Variants in CTIF observed in about 807,000 individuals in gnomAD.
CTIF encodes CBP80/20-dependent translation initiation factor.
In CTIF, 21 loss-of-function variants were observed where a neutral mutation model predicts 66.0. The observed-to-expected ratio is 0.32, with a 90% CI of 0.23 to 0.46. The LOEUF is 0.46. Ranked by LOEUF, CTIF falls within the 20% of genes least tolerant of loss-of-function variation. The probability of loss-of-function intolerance (pLI) is 1.00; values close to 1 mark genes in which losing one functional copy is unlikely to be tolerated. For synonymous variants in CTIF, 345 were observed against 326.4 expected, an observed-to-expected ratio of 1.06 and a Z score of -0.62; for missense variants, 739 against 812.7, an observed-to-expected ratio of 0.91 and a Z score of 1.10.
Position 48,743,392 on chromosome 18 carries a change from A to G in CTIF, c.585-14527A>G, listed in dbSNP as rs563435702. 7.7e-4 allele frequency among the ~76,000 whole-genome samples: 117 copies of G among 152,354 alleles called. 2 individuals carry two copies. Among genetic ancestry groups the G allele is most frequent in the African/African-American group, 2.7e-3 (113 of 41,584 alleles). On this transcript the variant is annotated intron_variant, in intron 7 of 11. Coordinates refer to ENST00000256413, the MANE Select transcript of CTIF (RefSeq NM_014772.3). The stretch of plus-strand genomic sequence containing the variant: ...TACAAAATCAAACCAGTTGACTTTC[A>G]TTTTTTTAGAAAAACATAAAATTCA...
intron 9 of CTIF, among the ~76,000 whole-genome samples, chr18:48,776,596 G>A (rs1046938912): frequency 1.3e-5 from 2 of 152,246 alleles, no homozygotes; most frequent in Non-Finnish European, 2.9e-5. Context: ...GGAAACGAGG[G>A]CACTGGGTCG....
At chr18:48,546,260 T>C (rs971432777) in intron 1 of CTIF, among the ~76,000 whole-genome samples, 1 of 152,178 alleles carries the variant, frequency 6.6e-6, no homozygotes, top group Admixed American at 6.5e-5. Flanking sequence ...AAACGTCCAG[T>C]CTTTGCATGT....
intron 9 of CTIF, among the ~76,000 whole-genome samples, chr18:48,805,802 G>A (rs996733900): frequency 6.6e-6 from 1 of 152,226 alleles, no homozygotes; most frequent in African/African-American, 2.4e-5. Flanking sequence ...GTACTCTTAT[G>A]TCTTAGATTA....
chr18:48,719,356 C>T (rs1285321998), intron 7 of CTIF, among the ~76,000 whole-genome samples: 1 of 152,162 alleles, frequency 6.6e-6, no homozygotes, highest in Non-Finnish European at 1.5e-5. Flanking sequence ...CTCTACCAGT[C>T]ATAGAGTCCC....
intron 6 of CTIF, among the ~76,000 whole-genome samples, chr18:48,679,773 G>A (rs2091707432): frequency 6.6e-6 from 1 of 152,148 alleles, no homozygotes. Context: ...TTGATTCTAG[G>A]CCAATTTTGA....
chr18:48,634,195 A>T (rs1598774112), intron 2 of CTIF, among the ~76,000 whole-genome samples: 1 of 152,204 alleles, frequency 6.6e-6, no homozygotes, highest in East Asian at 1.9e-4. Context: ...GAGAGGGTGC[A>T]TTTTGTCAAG....
At chr18:48,709,846 G>A (rs1368926355) in intron 6 of CTIF, among the ~76,000 whole-genome samples, 2 of 152,236 alleles carry the variant, frequency 1.3e-5, no homozygotes, top group Non-Finnish European at 2.9e-5. Context: ...CCTGGAGCCC[G>A]GAATTCATTC....
intron 9 of CTIF, among the ~76,000 whole-genome samples, chr18:48,804,675 C>G (rs938129764): frequency 3.3e-5 from 5 of 152,340 alleles, no homozygotes; most frequent in Non-Finnish European, 7.4e-5. Flanking sequence ...TTGCCTGACC[C>G]AATCAGACTG....
chr18:48,625,128 A>T, intron 2 of CTIF: 1 of 722,756 alleles, frequency 1.4e-6, no homozygotes, highest in Non-Finnish European at 1.7e-6. Context: ...TTTTTCTAAA[A>T]TCCCATCTCT....
chr18:48,604,012 C>A (rs2090156083), intron 1 of CTIF, among the ~76,000 whole-genome samples: 2 of 151,592 alleles, frequency 1.3e-5, no homozygotes, highest in African/African-American at 4.9e-5. Context: ...CCATGCCTGG[C>A]TAATTTTTGT....
chr18:48,666,698 C>T (rs1334714473), intron 5 of CTIF, among the ~76,000 whole-genome samples: 1 of 152,194 alleles, frequency 6.6e-6, no homozygotes, highest in Non-Finnish European at 1.5e-5. Context: ...CATGGAGGCA[C>T]TGGTTAAGAT....
At chr18:48,644,264 T>TTGGGCAA (rs2090985786) in intron 3 of CTIF, among the ~76,000 whole-genome samples, 1 of 152,166 alleles carries the variant, frequency 6.6e-6, no homozygotes, top group Admixed American at 6.5e-5. Flanking sequence ...GTACTCCAGG[T>TTGGGCAA]TGGGCACTGG....
intron 9 of CTIF, among the ~76,000 whole-genome samples, chr18:48,799,069 A>G (rs941606510): frequency 2.0e-5 from 3 of 152,220 alleles, no homozygotes; most frequent in African/African-American, 7.2e-5. Flanking sequence ...GAGAAGGTGA[A>G]TGGTGCCAGC....
chr18:48,795,804 T>G (rs1433283592), intron 9 of CTIF, among the ~76,000 whole-genome samples: 1 of 152,132 alleles, frequency 6.6e-6, no homozygotes, highest in Non-Finnish European at 1.5e-5. Context: ...GAGGGTTTAG[T>G]GTAAGAATTT....
chr18:48,584,641 C>T (rs1376737567), intron 1 of CTIF, among the ~76,000 whole-genome samples: 1 of 152,196 alleles, frequency 6.6e-6, no homozygotes, highest in Non-Finnish European at 1.5e-5. Flanking sequence ...CCATCCCAAA[C>T]TGGAGAGGAG....
At chr18:48,680,212 G>T (rs2091716775) in intron 6 of CTIF, among the ~76,000 whole-genome samples, 1 of 152,246 alleles carries the variant, frequency 6.6e-6, no homozygotes, top group African/African-American at 2.4e-5. Flanking sequence ...CCCTTTAAAA[G>T]TAGGACTTGG....
intron 10 of CTIF, among the ~76,000 whole-genome samples, chr18:48,836,224 T>G (rs1167214223): frequency 6.6e-6 from 1 of 151,630 alleles, no homozygotes; most frequent in Non-Finnish European, 1.5e-5. Context: ...AGTTAAAAAG[T>G]ATATTCTGTG....
intron 2 of CTIF, among the ~76,000 whole-genome samples, chr18:48,629,684 A>T (rs934401575): frequency 6.6e-6 from 1 of 151,398 alleles, no homozygotes; most frequent in African/African-American, 2.4e-5. Context: ...CCAAGATGAC[A>T]TATTGTGTTT....
chr18:48,769,928 A>C (rs148073835), intron 9 of CTIF, among the ~76,000 whole-genome samples: 1 of 152,190 alleles, frequency 6.6e-6, no homozygotes, highest in Non-Finnish European at 1.5e-5. Context: ...TCAAGGACCC[A>C]GGTGGGATAC....
Sources: gnomAD v4.1 joint callset for allele counts (sites outside exome capture counted in the v4.1 genomes callset) on GRCh38, gnomAD v4.1.1 for gene constraint, MANE v1.5 for transcripts, NCBI Gene and HGNC (gene_info 2026-07-23, HGNC 2026-07-21) for gene names.